The following RB1CC1 variants were observed in gnomAD, a reference collection of about 807,000 sequenced individuals.
The protein encoded by RB1CC1 is RB1 inducible coiled-coil 1.
In RB1CC1, 46 loss-of-function variants were observed where a neutral mutation model predicts 177.5. The observed-to-expected ratio is 0.26, with a 90% confidence interval of 0.20 to 0.33. RB1CC1 has a LOEUF of 0.33. RB1CC1 is among the 10% of genes least tolerant of loss of function. The pLI, the probability that RB1CC1 is intolerant of heterozygous loss-of-function variation, is 1.00. For missense variants in RB1CC1, 1,703 were observed against 1,816.3 expected (o/e 0.94, Z 1.13); for synonymous variants, 666 against 613.6 (o/e 1.09, Z -1.26).
intron 18 of RB1CC1, among the ~76,000 whole-genome samples, chr8:52,639,258 G>A (rs1245741023): frequency 2.0e-5 from 3 of 152,118 alleles, no homozygotes; most frequent in South Asian, 2.1e-4. Flanking sequence ...GAAGTCTTGC[G>A]CATTTTTGTT....
intron 1 of RB1CC1, among the ~76,000 whole-genome samples, chr8:52,709,694 C>T (rs961403695): frequency 6.6e-6 from 1 of 152,198 alleles, no homozygotes; most frequent in African/African-American, 2.4e-5. Flanking sequence ...GCCTAGATCA[C>T]ACCATTGCCT....
chr8:52,684,670 C>A (rs2150599429), intron 3 of RB1CC1, among the ~76,000 whole-genome samples: 1 of 152,196 alleles, frequency 6.6e-6, no homozygotes, highest in East Asian at 1.9e-4. Context: ...CAAAATAAAC[C>A]TATTGACATT....
At chr8:52,649,832 A>G (rs1850410933) in intron 15 of RB1CC1, among the ~76,000 whole-genome samples, 1 of 152,200 alleles carries the variant, frequency 6.6e-6, no homozygotes, top group African/African-American at 2.4e-5. Flanking sequence ...TACAGGAGAA[A>G]GCTTTCTCCT....
chr8:52,697,309 AAAAAG>A (rs1169086651), intron 1 of RB1CC1, among the ~76,000 whole-genome samples: 4 of 152,096 alleles, frequency 2.6e-5, no homozygotes, highest in South Asian at 2.1e-4. Context: ...AAAAAAAAAA[AAAAAG>A]AAGACTTTTT....
chr8:52,646,756 A>G (rs1850082869), intron 15 of RB1CC1, among the ~76,000 whole-genome samples: 1 of 152,214 alleles, frequency 6.6e-6, no homozygotes, highest in African/African-American at 2.4e-5. Flanking sequence ...AAATGAACAA[A>G]CACTGGTTAA....
intron 6 of RB1CC1, among the ~76,000 whole-genome samples, chr8:52,675,755 C>T (rs867407169): frequency 2.0e-5 from 3 of 148,584 alleles, no homozygotes; most frequent in South Asian, 4.2e-4. Context: ...AGCGTGGTGG[C>T]GGGCACCTGT....
intron 7 of RB1CC1, 63 bp from the exon 8 acceptor site, chr8:52,668,254 G>C (rs935670289): frequency 4.5e-6 from 7 of 1,554,212 alleles, no homozygotes; most frequent in Non-Finnish European, 5.3e-6. Context: ...TGTATTTCAT[G>C]CTATTCTGAC....
In RB1CC1 at chr8:52,624,756, A is replaced by G. The variant is rs1129660; in HGVS notation, c.4668T>C (p.Leu1556=). 0.19 allele frequency: 297,825 copies of G among 1,591,902 alleles called. 35,319 individuals are homozygous for G. The highest frequency in any genetic ancestry group is 0.65 in the East Asian group (28,482 of 44,112). The stretch of plus-strand genomic sequence containing the variant: ...AGTATTCTTTTTCCATTACTTTTCC[A>G]AGTACCCAGGGTCTTCTAGATGCAC... ...ASGASRRPWV[L]GKVMEKEYCQ... is the part of the protein sequence containing the mutation. The change falls in exon 23 of 24, where the codon CTT becomes CTC. Residue 1556 remains leucine (L), a synonymous_variant. Coordinates refer to ENST00000025008, the MANE Select transcript of RB1CC1 (RefSeq NM_014781.5).
intron 13 of RB1CC1, among the ~76,000 whole-genome samples, chr8:52,658,579 G>GAAAAAAAAAAAAAAAAAAAAAAAAAA (rs67680393): frequency 1.0e-5 from 1 of 98,800 alleles, no homozygotes; most frequent in Non-Finnish European, 1.9e-5. Context: ...TCCGTCTCAA[G>GAAAAAAAAAAAAAAAAAAAAAAAAAA]AAAAAAAAAA....
At chr8:52,660,297 G>T (rs1020830778) in intron 12 of RB1CC1, among the ~76,000 whole-genome samples, 1 of 151,002 alleles carries the variant, frequency 6.6e-6, no homozygotes, top group Admixed American at 6.6e-5. Context: ...AGGGAAGGGT[G>T]GAAAGAAAAA....
At chr8:52,633,350 A>G (rs557397568) in intron 20 of RB1CC1, among the ~76,000 whole-genome samples, 71 of 152,344 alleles carry the variant, frequency 4.7e-4, no homozygotes. Context: ...CTAAGAATGT[A>G]GCGGTGACCA....
chr8:52,649,776 C>A (rs183562768), intron 15 of RB1CC1, among the ~76,000 whole-genome samples: 1 of 152,232 alleles, frequency 6.6e-6, no homozygotes, highest in Admixed American at 6.5e-5. Flanking sequence ...TCCCAACCCA[C>A]GCAAACCACA....
intron 7 of RB1CC1, among the ~76,000 whole-genome samples, chr8:52,672,632 G>C (rs968694765): frequency 2.0e-5 from 3 of 152,158 alleles, no homozygotes; most frequent in Admixed American, 1.3e-4. Flanking sequence ...TGTGGTCCCA[G>C]CTACTCGGGA....
Position 52,628,143 on chromosome 8 carries a change from T to C in RB1CC1, c.4525A>G (p.Ile1509Val), listed in dbSNP as rs1468048548. ...RDFQVGDLVLIILDERHDNYV... is the reference protein window; with the variant it reads ...RDFQVGDLVLVILDERHDNYV... ...TTGTCATGGCGTTCGTCTAGGATGA[T>C]GAGTACCAAATCTCCCACCTGAAAA... The change falls in exon 22 of 24, where the codon ATC becomes GTC. Residue 1509 changes from isoleucine to valine, a missense_variant. Ile to Val is a conservative substitution (Grantham distance 29, BLOSUM62 3). This residue lies in a region of RB1CC1 where 70 missense variants were observed against 118.0 expected (regional missense o/e 0.59). Transcript: ENST00000025008. The C allele has an allele frequency of 6.2e-7, 1 of 1,609,166 alleles. No homozygotes were observed. Among genetic ancestry groups the C allele is most frequent in the Non-Finnish European group, 8.5e-7 (1 of 1,176,998 alleles).
Position 52,642,460 on chromosome 8 carries a change from A to C in RB1CC1, c.4228T>G (p.Tyr1410Asp), listed in dbSNP as rs914175078. Reference sequence around the variant, plus strand: ...GGGAGTTCAGGTGCACAAGCTCCATAAAGTTCTGGGGCTGTAGCTACATAT... The same window carrying C: ...GGGAGTTCAGGTGCACAAGCTCCATCAAGTTCTGGGGCTGTAGCTACATAT... ...SPYVATAPEL[Y>D]GACAPELPGE... is the part of the protein sequence containing the mutation. The change falls in exon 18 of 24, where the codon TAT becomes GAT. Residue 1410 changes from tyrosine (Y) to aspartate (D), a missense_variant. This residue lies in a region of RB1CC1 where 1,169 missense variants were observed against 1,184.7 expected (regional missense o/e 0.99). Transcript: ENST00000025008. 4.3e-6 allele frequency: 7 copies of C among 1,614,108 alleles called. No individual in the cohort carries two copies. Among genetic ancestry groups the C allele is most frequent in the African/African-American group, 2.7e-5 (2 of 75,034 alleles).
intron 21 of RB1CC1, 48 bp from the exon 22 acceptor site, chr8:52,628,216 C>CT: frequency 6.4e-7 from 1 of 1,552,210 alleles, no homozygotes; most frequent in Non-Finnish European, 8.8e-7. Flanking sequence ...CTTTCAATCC[C>CT]CCTATTCTGA....
intron 1 of RB1CC1, among the ~76,000 whole-genome samples, chr8:52,693,389 T>C (rs1855086434): frequency 6.6e-6 from 1 of 152,118 alleles, no homozygotes; most frequent in South Asian, 2.1e-4. Flanking sequence ...AAAGGTCTAA[T>C]ATCCAGCATC....
intron 16 of RB1CC1, 48 bp downstream of exon 16, chr8:52,645,654 T>C: frequency 4.5e-6 from 7 of 1,556,306 alleles, no homozygotes; most frequent in African/African-American, 1.4e-5. Flanking sequence ...TGTTAATTTA[T>C]GTCTACCTTC....
intron 15 of RB1CC1, among the ~76,000 whole-genome samples, chr8:52,651,724 G>C (rs1312895409): frequency 6.6e-6 from 1 of 152,182 alleles, no homozygotes; most frequent in Non-Finnish European, 1.5e-5. Flanking sequence ...GAGGAAAAAG[G>C]GGAGGCTGTT....
Sources: gnomAD v4.1 joint callset for allele counts (sites outside exome capture counted in the v4.1 genomes callset) on GRCh38, gnomAD v4.1.1 for gene constraint, gnomAD v4.1.1 regional missense constraint, MANE v1.5 for transcripts, NCBI Gene and HGNC (gene_info 2026-07-23, HGNC 2026-07-21) for gene names.